The following TRIM55 variants were observed in gnomAD, a reference collection of about 807,000 sequenced individuals.
The protein encoded by TRIM55 is tripartite motif containing 55, also known as tripartite motif-containing protein 55.
A neutral mutation model predicts 60.9 loss-of-function variants in TRIM55; 50 were observed. That is an observed-to-expected ratio of 0.82 (90% CI 0.65 to 1.04). TRIM55 has a LOEUF of 1.04. Among genes scored for constraint, TRIM55 ranks in the 50% least tolerant of loss-of-function variants. The pLI, the probability that TRIM55 is intolerant of heterozygous loss-of-function variation, is 0.00. For synonymous variants in TRIM55, 237 were observed against 238.1 expected, an observed-to-expected ratio of 1.00 and a Z score of 0.04; for missense variants, 681 against 666.9, an observed-to-expected ratio of 1.02 and a Z score of -0.23.
In TRIM55 at chr8:66,172,417, AC is replaced by A. The variant is rs369586460; in HGVS notation, c.1525-2048del. ...TCAGGATAACCTCTGCTATTGGATA[AC>A]CCCCCACTCTGGTACTGGCTTTTCT... On this transcript the variant is annotated intron_variant, in intron 9 of 9. Coordinates refer to ENST00000315962, the MANE Select transcript of TRIM55 (RefSeq NM_184085.2). 3.3e-3 allele frequency among the ~76,000 whole-genome samples: 497 copies of A among 152,118 alleles called. 3 individuals carry two copies. The highest frequency in any genetic ancestry group is 0.011 in the African/African-American group (449 of 41,478).
chr8:66,140,111 A>T (rs1809722141), intron 4 of TRIM55, among the ~76,000 whole-genome samples: 1 of 152,232 alleles, frequency 6.6e-6, no homozygotes, highest in Admixed American at 6.5e-5. Flanking sequence ...AGTGGGCAGT[A>T]GGCTCTGCCA....
chr8:66,153,982 C>G, intron 8 of TRIM55, 65 bp from the exon 9 acceptor site: 13 of 1,495,390 alleles, frequency 8.7e-6, no homozygotes, highest in Non-Finnish European at 1.2e-5. Context: ...CTAAAATCAA[C>G]TGCTTTTTCT....
intron 9 of TRIM55, among the ~76,000 whole-genome samples, chr8:66,160,317 CCTTA>C (rs1181779222): frequency 6.6e-6 from 1 of 151,468 alleles, no homozygotes; most frequent in Non-Finnish European, 1.5e-5. Flanking sequence ...TTGCAAATGC[CCTTA>C]CTTCATTCCT....
chr8:66,116,391 G>T, the TRIM55 span, among the ~76,000 whole-genome samples: 1 of 151,994 alleles, frequency 6.6e-6, no homozygotes, highest in Non-Finnish European at 1.5e-5. Flanking sequence ...CAGATCCCTT[G>T]AGCTCAGGAG....
chr8:66,169,739 G>A (rs113315006), intron 9 of TRIM55, among the ~76,000 whole-genome samples: 77 of 152,280 alleles, frequency 5.1e-4, no homozygotes, highest in African/African-American at 1.7e-3. Flanking sequence ...AGTGTTGAGC[G>A]CTGTGACCCT....
the TRIM55 span, among the ~76,000 whole-genome samples, chr8:66,114,234 G>A: frequency 3.9e-5 from 6 of 152,154 alleles, no homozygotes; most frequent in East Asian, 1.9e-4. Context: ...CATGCGAGAG[G>A]TAGCGGGATC....
chr8:66,174,515 A>G lies in TRIM55; in HGVS notation c.1569A>G (p.Pro523=). 1.2e-6 allele frequency: 2 copies of G among 1,612,572 alleles called. No individual in the cohort carries two copies. Among genetic ancestry groups the G allele is most frequent in the Non-Finnish European group, 1.7e-6 (2 of 1,179,650 alleles). ...APPLQGQAAA[P]ASGSGADSEP... ...CCCTCCAGGGACAGGCTGCAGCTCCAGCGAGTGGCAGTGGAGCTGATTCTG... is the reference window on the plus strand; with the variant it reads ...CCCTCCAGGGACAGGCTGCAGCTCCGGCGAGTGGCAGTGGAGCTGATTCTG... The change falls in exon 10 of 10, where the codon CCA becomes CCG. Residue 523 remains proline (P), a synonymous_variant. Coordinates refer to ENST00000315962, the MANE Select transcript of TRIM55 (RefSeq NM_184085.2).
intron 9 of TRIM55, among the ~76,000 whole-genome samples, chr8:66,171,629 T>C (rs527591689): frequency 2.0e-5 from 3 of 152,356 alleles, no homozygotes; most frequent in African/African-American, 7.2e-5. Context: ...TTCTGCTTCA[T>C]AGAACATCAC....
chr8:66,126,224 C>T (rs1183300192), upstream of TRIM55, among the ~76,000 whole-genome samples: 2 of 152,186 alleles, frequency 1.3e-5, no homozygotes, highest in South Asian at 4.1e-4. Context: ...AACTGTCCCC[C>T]AAGGGATGAC....
intron 4 of TRIM55, among the ~76,000 whole-genome samples, chr8:66,143,257 T>C (rs1809921565): frequency 6.6e-6 from 1 of 152,174 alleles, no homozygotes; most frequent in Non-Finnish European, 1.5e-5. Context: ...TTGCTTTAGG[T>C]TTTTTTCCTA....
Position 66,158,374 on chromosome 8 carries a change from A to AT in TRIM55, c.1524+4046dup, listed in dbSNP as rs1810867556. 2.0e-5 allele frequency among the ~76,000 whole-genome samples: 3 copies of AT among 152,182 alleles called. No homozygotes were observed. The South Asian group carries it at 6.2e-4, about 32-fold the overall frequency. On this transcript the variant is annotated intron_variant, in intron 9 of 9. Transcript: ENST00000315962. ...ATGATTTGTTGTTTCAAAAATATCC[A>AT]TTTTTTACATTCTATTCTTCAAGCC...
intron 9 of TRIM55, among the ~76,000 whole-genome samples, chr8:66,164,857 T>TA (rs1293729990): frequency 7.3e-6 from 1 of 137,350 alleles, no homozygotes; most frequent in African/African-American, 2.7e-5. Flanking sequence ...CAGAGGAAAA[T>TA]AAAAAACATT....
intron 7 of TRIM55, 102 bp from the exon 8 acceptor site, chr8:66,152,275 C>T: frequency 1.4e-6 from 2 of 1,448,742 alleles, no homozygotes; most frequent in Non-Finnish European, 1.8e-6. Flanking sequence ...GAGAAAAACT[C>T]CCCAGCCTTG....
intron 8 of TRIM55, 42 bp downstream of exon 8, chr8:66,152,669 G>A (rs1032228810): frequency 6.3e-7 from 1 of 1,588,382 alleles, no homozygotes; most frequent in Non-Finnish European, 8.5e-7. Context: ...ACATGGGCGT[G>A]TCTCCTTATG....
At chr8:66,171,587 G>C (rs771401319) in intron 9 of TRIM55, among the ~76,000 whole-genome samples, 2 of 152,182 alleles carry the variant, frequency 1.3e-5, no homozygotes, top group Non-Finnish European at 2.9e-5. Flanking sequence ...AGCAGATAGA[G>C]GAGATCAGTG....
upstream of TRIM55, among the ~76,000 whole-genome samples, chr8:66,124,293 C>T (rs1284175530): frequency 6.6e-6 from 1 of 152,224 alleles, no homozygotes; most frequent in Non-Finnish European, 1.5e-5. Flanking sequence ...ACTGCTCTCA[C>T]GGAAGTGTCC....
At chr8:66,129,675 T>C (rs1809029194) in intron 2 of TRIM55, among the ~76,000 whole-genome samples, 1 of 152,228 alleles carries the variant, frequency 6.6e-6, no homozygotes, top group Non-Finnish European at 1.5e-5. Flanking sequence ...TTTGATCTCA[T>C]TGTATTTCAC....
chr8:66,166,639 C>T (rs1811344221), intron 9 of TRIM55, among the ~76,000 whole-genome samples: 1 of 152,206 alleles, frequency 6.6e-6, no homozygotes, highest in African/African-American at 2.4e-5. Flanking sequence ...TAAGGATTCT[C>T]TCGTTTAAAC....
chr8:66,168,624 G>A (rs1056215702), intron 9 of TRIM55, among the ~76,000 whole-genome samples: 1 of 152,162 alleles, frequency 6.6e-6, no homozygotes, highest in African/African-American at 2.4e-5. Context: ...ATGATAGATG[G>A]GCAAAGATTT....
Sources: allele counts gnomAD v4.1 joint callset (sites outside exome capture counted in the v4.1 genomes callset), GRCh38; gene constraint gnomAD v4.1.1; transcripts MANE v1.5; gene names NCBI Gene and HGNC (gene_info 2026-07-23, HGNC 2026-07-21).